The following BABAM2 variants were observed in gnomAD, a reference collection of about 807,000 sequenced individuals.
BABAM2 encodes BRISC and BRCA1-A complex member 2.
In BABAM2, 31 loss-of-function variants were observed where a neutral mutation model predicts 54.7. That is an observed-to-expected ratio of 0.57 (90% confidence interval 0.43 to 0.77). The LOEUF (loss-of-function observed/expected upper bound fraction) is 0.77, where lower values mean the gene tolerates loss of function less well. BABAM2 is among the 30% of genes least tolerant of loss of function. BABAM2 has a pLI of 0.00. For synonymous variants in BABAM2, 167 were observed against 162.9 expected, an observed-to-expected ratio of 1.03 and a Z score of -0.19; for missense variants, 364 against 455.8, an observed-to-expected ratio of 0.80 and a Z score of 1.83.
At chr2:28,016,069 T>A (rs2148543085) in intron 4 of BABAM2, 2 of 763,174 alleles carry the variant, frequency 2.6e-6, no homozygotes, top group East Asian at 6.5e-5. Flanking sequence ...TTCAGAAGAT[T>A]TATGTGAACG....
chr2:28,329,705 A>C lies in BABAM2; in HGVS notation c.1089-8745A>C, dbSNP rs1690784582. 1.3e-5 allele frequency among the ~76,000 whole-genome samples: 2 copies of C among 152,176 alleles called. No homozygotes were observed. The highest frequency in any genetic ancestry group is 4.1e-4 in the South Asian group (2 of 4,828). On this transcript the variant is annotated intron_variant, in intron 11 of 11. Coordinates refer to ENST00000379624, the MANE Select transcript of BABAM2 (RefSeq NM_199191.3). The surrounding 1 kb of genome is among the most constrained non-coding windows in gnomAD (Gnocchi z 4.2). ...GCAGTAATAAATAGCCTACCAACCA[A>C]AAAAAGCCCAGGACCAGATGAATTT...
At chr2:27,921,005 T>C (rs955153618) in intron 2 of BABAM2, among the ~76,000 whole-genome samples, 2 of 152,240 alleles carry the variant, frequency 1.3e-5, no homozygotes, top group African/African-American at 4.8e-5. Context: ...CTATAAAGTA[T>C]AGTAAAATTT....
rs189981684 is a variant in BABAM2, at chr2:28,159,358, G to A, written c.680+29978G>A. 2.8e-3 allele frequency among the ~76,000 whole-genome samples: 424 copies of A among 152,290 alleles called. 8 individuals are homozygous for A. Among genetic ancestry groups the A allele is most frequent in the Non-Finnish European group, 9.6e-4 (65 of 68,022 alleles). On this transcript the variant is annotated intron_variant, in intron 7 of 11. Transcript: ENST00000379624. ...ATAGAGGTGTGCACGTAGAACCATAGCAGCCCAGTGGAAAGAGCTGTGAGC... is the reference window on the plus strand; with the variant it reads ...ATAGAGGTGTGCACGTAGAACCATAACAGCCCAGTGGAAAGAGCTGTGAGC...
At chr2:28,056,131 T>C (rs914300771) in intron 6 of BABAM2, among the ~76,000 whole-genome samples, 1 of 152,168 alleles carries the variant, frequency 6.6e-6, no homozygotes, top group African/African-American at 2.4e-5. Flanking sequence ...ATACATCTTC[T>C]GTGTACATCA....
Position 28,338,531 on chromosome 2 carries a change from A to C in BABAM2, c.*18A>C, listed in dbSNP as rs1276940296. 3 of 1,613,648 alleles carry C rather than the reference A, an allele frequency of 1.9e-6. No individual in the cohort carries two copies. In the African/African-American group the frequency reaches 4.0e-5, roughly 22 times the overall value. On this transcript the variant is annotated 3_prime_UTR_variant, in exon 12 of 12. Transcript: ENST00000379624. ...AGCTCTAGGAAACACCAGTCTTGAG[A>C]GGTGGCCAGCCAGACTGCCTGTCCA...
chr2:28,252,428 A>G (rs1683584901), intron 10 of BABAM2, among the ~76,000 whole-genome samples: 1 of 152,180 alleles, frequency 6.6e-6, no homozygotes, highest in African/African-American at 2.4e-5. Context: ...TAGCTCTACT[A>G]GGCAAAGTGG....
intron 4 of BABAM2, among the ~76,000 whole-genome samples, chr2:27,992,307 G>C (rs1375927115): frequency 1.3e-5 from 2 of 152,224 alleles, no homozygotes; most frequent in Middle Eastern, 3.4e-3. Flanking sequence ...ACATCCATTA[G>C]TATTTATTGC....
chr2:27,894,738 T>G, intron 2 of BABAM2, 54 bp downstream of exon 2: 1 of 1,600,150 alleles, frequency 6.2e-7, no homozygotes. Context: ...AACCTTTACC[T>G]AATGACAGCC....
intron 7 of BABAM2, among the ~76,000 whole-genome samples, chr2:28,149,175 G>A (rs779461837): frequency 2.6e-5 from 4 of 152,120 alleles, no homozygotes; most frequent in Non-Finnish European, 5.9e-5. Context: ...AAATTAAGCC[G>A]AGTATAACTT....
At chr2:28,232,092 C>T (rs552972368) in intron 7 of BABAM2, among the ~76,000 whole-genome samples, 10 of 152,262 alleles carry the variant, frequency 6.6e-5, no homozygotes, top group Admixed American at 5.9e-4. Flanking sequence ...AGGCCCAAGC[C>T]ACTGTGCCTG....
intron 3 of BABAM2, 41 bp downstream of exon 3, chr2:27,929,949 A>T: frequency 6.4e-7 from 1 of 1,553,400 alleles, no homozygotes; most frequent in South Asian, 1.1e-5. Context: ...TGTAGGTTAC[A>T]GTGTCAGCTA....
rs144158282 is a variant in BABAM2, at chr2:27,941,550, C to T, written c.205+11642C>T. 1.9e-3 allele frequency among the ~76,000 whole-genome samples: 288 copies of T among 148,840 alleles called. 1 individual carries two copies. The highest frequency in any genetic ancestry group is 1.6e-3 in the Non-Finnish European group (111 of 67,396). ...CAGCCTGGGTGACAGTGCAAGACTC[C>T]GTCTCAAAAAAAAAAAAAGAGCAAT... On this transcript the variant is annotated intron_variant, in intron 3 of 11. Coordinates refer to ENST00000379624, the MANE Select transcript of BABAM2 (RefSeq NM_199191.3).
At chr2:28,318,541 T>C (rs1331344080) in intron 11 of BABAM2, among the ~76,000 whole-genome samples, 2 of 152,222 alleles carry the variant, frequency 1.3e-5, no homozygotes, top group Non-Finnish European at 2.9e-5. Context: ...TTGAGGCAAT[T>C]CTTGAATAGA....
Position 28,065,596 on chromosome 2 carries a change from A to G in BABAM2, c.570+19797A>G, listed in dbSNP as rs1163692664. Among the ~76,000 whole-genome samples the G allele has an allele frequency of 4.6e-5, 7 of 152,334 alleles. No individual in the cohort carries two copies. The East Asian group carries it at 1.4e-3, about 29-fold the overall frequency. ...CTCTACCTGGGTGGTTTTGTCCTGT[A>G]GTAATTCGCTAAGCTATAGATAGGT... On this transcript the variant is annotated intron_variant, in intron 6 of 11. Coordinates refer to ENST00000379624, the MANE Select transcript of BABAM2 (RefSeq NM_199191.3).
At chr2:27,971,963 T>A (rs954597570) in intron 3 of BABAM2, among the ~76,000 whole-genome samples, 7 of 152,204 alleles carry the variant, frequency 4.6e-5, no homozygotes, top group Non-Finnish European at 1.0e-4. Flanking sequence ...AATAAAGTAA[T>A]GCTAATTTAT....
At chr2:28,258,355 C>A (rs553333962) in intron 10 of BABAM2, among the ~76,000 whole-genome samples, 2 of 152,234 alleles carry the variant, frequency 1.3e-5, no homozygotes, top group South Asian at 4.1e-4. Context: ...TACTGCCATA[C>A]TATTTTCCAA....
At chr2:28,132,250 T>C (rs1436835434) in intron 7 of BABAM2, among the ~76,000 whole-genome samples, 2 of 151,602 alleles carry the variant, frequency 1.3e-5, no homozygotes, top group African/African-American at 2.4e-5. Context: ...GCCATTCTCC[T>C]GCCTCAGCCT....
intron 11 of BABAM2, among the ~76,000 whole-genome samples, chr2:28,314,035 T>G (rs1202428377): frequency 6.6e-6 from 1 of 152,200 alleles, no homozygotes. Flanking sequence ...CTGTCATTAT[T>G]CCAGGTATCC....
intron 11 of BABAM2, among the ~76,000 whole-genome samples, chr2:28,328,284 T>G (rs1473952876): frequency 1.3e-5 from 2 of 152,198 alleles, no homozygotes; most frequent in African/African-American, 2.4e-5. Context: ...CAGGACTGCT[T>G]TGATTTTCAG....
Sources: allele counts gnomAD v4.1 joint callset (sites outside exome capture counted in the v4.1 genomes callset), GRCh38; gene constraint gnomAD v4.1.1; non-coding constraint Gnocchi (gnomAD v3.1); transcripts MANE v1.5; gene names NCBI Gene and HGNC (gene_info 2026-07-23, HGNC 2026-07-21).